The following EYS variants were observed in gnomAD, a reference collection of about 807,000 sequenced individuals.
The protein encoded by EYS is protein eyes shut homolog.
In EYS, 250 loss-of-function variants were observed where a neutral mutation model predicts 282.1. The observed-to-expected ratio is 0.89, with a 90% CI of 0.80 to 0.98. EYS has a LOEUF of 0.98. Ranked by LOEUF, EYS falls within the 50% of genes least tolerant of loss-of-function variation. The pLI is 0.00. For missense variants in EYS, 4,016 were observed against 3,709.0 expected, an observed-to-expected ratio of 1.08 and a Z score of -2.15; for synonymous variants, 1,355 against 1,282.9, an observed-to-expected ratio of 1.06 and a Z score of -1.20.
chr6:64,308,422 AGTG>A lies in EYS; in HGVS notation c.6079-1343_6079-1341del, dbSNP rs1172457484. Among the ~76,000 whole-genome samples, 8 of 152,214 alleles carry A rather than the reference AGTG, an allele frequency of 5.3e-5. No individual in the cohort carries two copies. In the South Asian group the frequency reaches 1.0e-3, roughly 20 times the overall value. ...ATTTATGAGAAAAAGGGAAAGTAAAAGTGAATACAGCTCAGAATTTAATAGTTA... is the reference window on the plus strand; with the variant it reads ...ATTTATGAGAAAAAGGGAAAGTAAAAAATACAGCTCAGAATTTAATAGTTA... On this transcript the variant is annotated intron_variant, in intron 29 of 42. Transcript: ENST00000503581.
At chr6:65,179,807 A>G (rs1050873521) in intron 12 of EYS, among the ~76,000 whole-genome samples, 36 of 152,102 alleles carry the variant, frequency 2.4e-4, no homozygotes, top group Non-Finnish European at 5.3e-4. Context: ...AAAATCCTCA[A>G]TAAAATACTG....
chr6:65,647,836 A>AAAC (rs1562307766), intron 1 of EYS, among the ~76,000 whole-genome samples: 72 of 152,034 alleles, frequency 4.7e-4, no homozygotes, highest in Middle Eastern at 6.8e-3. Context: ...AACAAACAAA[A>AAAC]AAACAAACAA....
intron 35 of EYS, among the ~76,000 whole-genome samples, chr6:63,904,592 T>C (rs1026989054): frequency 9.2e-5 from 14 of 152,140 alleles, no homozygotes; most frequent in African/African-American, 2.4e-4. Context: ...TCTGGGAAGA[T>C]GAGCAAGTAT....
At chr6:63,963,883 G>T (rs765903000) in intron 35 of EYS, among the ~76,000 whole-genome samples, 17 of 152,036 alleles carry the variant, frequency 1.1e-4, no homozygotes, top group Non-Finnish European at 2.2e-4. Flanking sequence ...TTGACCTATG[G>T]GTCTTTAGTG....
At chr6:63,771,527 A>T (rs1402047736) in intron 40 of EYS, among the ~76,000 whole-genome samples, 8 of 152,220 alleles carry the variant, frequency 5.3e-5, no homozygotes, top group Non-Finnish European at 2.9e-5. Context: ...GCTTTTAGGC[A>T]TCTGTGATAT....
intron 35 of EYS, among the ~76,000 whole-genome samples, chr6:63,984,122 T>C (rs1447606582): frequency 2.6e-5 from 4 of 151,748 alleles, no homozygotes; most frequent in African/African-American, 7.3e-5. Context: ...GTGGATTCAT[T>C]TGAAATTGCC....
chr6:63,866,576 T>A (rs555550989), intron 35 of EYS, among the ~76,000 whole-genome samples: 2 of 152,350 alleles, frequency 1.3e-5, no homozygotes, highest in South Asian at 4.1e-4. Context: ...TCAGGTCCTA[T>A]TGATAAATCA....
At chr6:65,492,091 G>A (rs960883534) in intron 4 of EYS, among the ~76,000 whole-genome samples, 3 of 152,130 alleles carry the variant, frequency 2.0e-5, no homozygotes, top group Non-Finnish European at 4.4e-5. Context: ...TGTTATGACA[G>A]CTCTAGCAAA....
At chr6:65,120,483 A>AAAAAAAAAAC (rs1775508970) in intron 12 of EYS, among the ~76,000 whole-genome samples, 1 of 143,866 alleles carries the variant, frequency 7.0e-6, no homozygotes, top group African/African-American at 2.5e-5. Flanking sequence ...AAAAAAAAAA[A>AAAAAAAAAAC]ATCTTTGGTT....
chr6:64,667,379 A>C (rs1769270732), intron 22 of EYS, among the ~76,000 whole-genome samples: 1 of 151,918 alleles, frequency 6.6e-6, no homozygotes, highest in South Asian at 2.1e-4. Context: ...GAGAGAGCAG[A>C]TGCCCCAGTG....
chr6:64,667,353 T>C (rs1769269637), intron 22 of EYS, among the ~76,000 whole-genome samples: 1 of 151,968 alleles, frequency 6.6e-6, no homozygotes, highest in African/African-American at 2.4e-5. Flanking sequence ...AATCCCATTT[T>C]GTTACACCGT....
At chr6:64,927,465 T>TA (rs1768555007) in intron 15 of EYS, among the ~76,000 whole-genome samples, 1 of 152,160 alleles carries the variant, frequency 6.6e-6, no homozygotes. Flanking sequence ...TTCTATAGAC[T>TA]GAAACAATTT....
intron 33 of EYS, among the ~76,000 whole-genome samples, chr6:64,022,957 T>A (rs1234109671): frequency 6.6e-6 from 1 of 152,232 alleles, no homozygotes; most frequent in Non-Finnish European, 1.5e-5. Flanking sequence ...TTTAGAGATT[T>A]GTCTTTAATT....
chr6:65,224,876 A>G (rs1326574543), intron 12 of EYS, among the ~76,000 whole-genome samples: 1 of 152,182 alleles, frequency 6.6e-6, no homozygotes, highest in Admixed American at 6.5e-5. Context: ...AAGAAATGCA[A>G]AATCTGTCCG....
chr6:65,570,372 A>G (rs1404509526), intron 2 of EYS, among the ~76,000 whole-genome samples: 2 of 152,210 alleles, frequency 1.3e-5, no homozygotes, highest in African/African-American at 4.8e-5. Context: ...ATACTCTTCA[A>G]TGATTTACTA....
intron 12 of EYS, among the ~76,000 whole-genome samples, chr6:65,109,724 T>C (rs896376116): frequency 6.6e-6 from 1 of 151,982 alleles, no homozygotes; most frequent in African/African-American, 2.4e-5. Flanking sequence ...GCTTGTACTG[T>C]CCTTAGACGT....
At chr6:65,676,274 C>CG (rs1562322625) in intron 1 of EYS, among the ~76,000 whole-genome samples, 1 of 151,376 alleles carries the variant, frequency 6.6e-6, no homozygotes, top group African/African-American at 2.4e-5. Flanking sequence ...TTTTAAAAAT[C>CG]AACAAAAATA....
intron 29 of EYS, among the ~76,000 whole-genome samples, chr6:64,374,202 T>A (rs1308955202): frequency 1.4e-4 from 1 of 7,192 alleles, no homozygotes; most frequent in Admixed American, 1.7e-3. Context: ...AGGGTGGAGG[T>A]GTGGGGGGTG....
At chr6:64,386,513 A>G (rs536571295) in intron 29 of EYS, among the ~76,000 whole-genome samples, 6 of 152,278 alleles carry the variant, frequency 3.9e-5, no homozygotes, top group Admixed American at 3.3e-4. Context: ...TCATGATTCA[A>G]TTATCTCCAC....
Sources: gnomAD v4.1 joint callset for allele counts (sites outside exome capture counted in the v4.1 genomes callset) on GRCh38, gnomAD v4.1.1 for gene constraint, MANE v1.5 for transcripts, NCBI Gene and HGNC (gene_info 2026-07-23, HGNC 2026-07-21) for gene names.